RC3H2: variants seen among roughly 807,000 people sequenced by gnomAD.
RC3H2 encodes ring finger and CCCH-type domains 2, also known as roquin-2.
A neutral mutation model predicts 133.3 loss-of-function variants in RC3H2; 31 were observed. The observed-to-expected ratio is 0.23, with a 90% CI of 0.17 to 0.31. The LOEUF (loss-of-function observed/expected upper bound fraction) is 0.31, where lower values mean the gene tolerates loss of function less well. RC3H2 is among the 10% of genes least tolerant of loss of function. The pLI is 1.00. For synonymous variants in RC3H2, 517 were observed against 502.2 expected, an observed-to-expected ratio of 1.03 and a Z score of -0.40; for missense variants, 1,175 against 1,437.2, an observed-to-expected ratio of 0.82 and a Z score of 2.95.
chr9:122,891,996 T>C (rs1051847480), intron 3 of RC3H2, among the ~76,000 whole-genome samples: 1 of 152,234 alleles, frequency 6.6e-6, no homozygotes, highest in Non-Finnish European at 1.5e-5. Flanking sequence ...ACTGAATGAA[T>C]ACATGCATAC....
chr9:122,902,848 CAAAAA>C (rs56346835), intron 1 of RC3H2, among the ~76,000 whole-genome samples: 2 of 84,538 alleles, frequency 2.4e-5, no homozygotes, highest in Admixed American at 1.1e-4. Flanking sequence ...GAGACTGTCT[CAAAAA>C]AAAAAAAAAA....
At chr9:122,858,234 T>C (rs1046887704) in intron 12 of RC3H2, 141 bp from the exon 13 acceptor site, 3 of 710,808 alleles carry the variant, frequency 4.2e-6, no homozygotes, top group Admixed American at 3.1e-5. Flanking sequence ...CTATTCTCCA[T>C]ACACTTAAAA....
chr9:122,863,506 C>T (rs951516713), intron 10 of RC3H2, among the ~76,000 whole-genome samples: 5 of 152,040 alleles, frequency 3.3e-5, no homozygotes, highest in Non-Finnish European at 7.4e-5. Context: ...CTGTAATTTC[C>T]CATATTTCTC....
chr9:122,873,517 T>C, intron 9 of RC3H2, among the ~76,000 whole-genome samples: 1 of 152,054 alleles, frequency 6.6e-6, no homozygotes, highest in Non-Finnish European at 1.5e-5. Context: ...GAGACCAGCC[T>C]GGGCAACATG....
At position 122,889,579 on chromosome 9, in the gene RC3H2, G is replaced by C. The variant is rs575183061; in HGVS notation, c.583+733C>G. Among the ~76,000 whole-genome samples the C allele has an allele frequency of 2.0e-5, 3 of 152,154 alleles. No homozygotes were observed. The South Asian group carries it at 6.2e-4, about 32-fold the overall frequency. On this transcript the variant is annotated intron_variant, in intron 4 of 20. Coordinates refer to ENST00000357244, the MANE Select transcript of RC3H2 (RefSeq NM_001100588.3). ...ACTTCATTACCTTGGTATAGGTGAA[G>C]ATTTTTTAAGACAGAACATAGATAA...
At position 122,877,557 on chromosome 9, in the gene RC3H2, A is replaced by C; in HGVS notation, c.1239T>G (p.Thr413=). The change falls in exon 9 of 21, where the codon ACT becomes ACG. Residue 413 remains threonine, a synonymous_variant. Coordinates refer to ENST00000357244, the MANE Select transcript of RC3H2 (RefSeq NM_001100588.3). ...GCTGTCGCAAATCTCGGCACATGCTAGTCTTGTATTTGCTGTTTGGCTGAG... is the reference window on the plus strand; with the variant it reads ...GCTGTCGCAAATCTCGGCACATGCTCGTCTTGTATTTGCTGTTTGGCTGAG... ...PQPQPNSKYK[T]SMCRDLRQQG... is the part of the protein sequence containing the mutation. The C allele has an allele frequency of 6.8e-6, 11 of 1,614,144 alleles. No homozygotes were observed. The highest frequency in any genetic ancestry group is 9.3e-6 in the Non-Finnish European group (11 of 1,179,978).
At position 122,865,354 on chromosome 9, in the gene RC3H2, A is replaced by G. The variant is rs751097347; in HGVS notation, c.1629T>C (p.Thr543=). The G allele has an allele frequency of 1.3e-6, 2 of 1,596,080 alleles. No homozygotes were observed. Among genetic ancestry groups the G allele is most frequent in the Non-Finnish European group, 1.7e-6 (2 of 1,168,216 alleles). ...NAAGPSADSV[T]ENKIGSPPKT... ...CATTTTTACCTAATACCTACTTTTC[A>G]GTTACAGAATCTGCAGAGGGCCCAG... The change falls in exon 10 of 21, where the codon ACT becomes ACC. Residue 543 remains threonine (T), a synonymous_variant. Transcript: ENST00000357244.
chr9:122,867,162 C>T (rs1830725389), intron 9 of RC3H2, among the ~76,000 whole-genome samples: 1 of 131,588 alleles, frequency 7.6e-6, no homozygotes, highest in South Asian at 2.8e-4. Context: ...AGCCCCTCCG[C>T]CCGGCAGCCG....
intron 11 of RC3H2, among the ~76,000 whole-genome samples, 170 bp from the exon 12 acceptor site, chr9:122,859,272 T>TTTTTTTTTTTTA: frequency 1.2e-5 from 1 of 86,352 alleles, no homozygotes; most frequent in African/African-American, 3.6e-5. Context: ...TTTTTTTTTT[T>TTTTTTTTTTTTA]TTGGTAGAGA....
At chr9:122,852,585 G>C (rs1588050188) in intron 18 of RC3H2, among the ~76,000 whole-genome samples, 1 of 150,756 alleles carries the variant, frequency 6.6e-6, no homozygotes, top group Non-Finnish European at 1.5e-5. Context: ...GGGAGGTGTG[G>C]GGGTCAGCCC....
chr9:122,878,216 T>C (rs1831423349), intron 8 of RC3H2, among the ~76,000 whole-genome samples: 1 of 152,142 alleles, frequency 6.6e-6, no homozygotes, highest in African/African-American at 2.4e-5. Context: ...GAGAGAAGAG[T>C]ACAAAGTGTA....
chr9:122,857,567 A>C (rs1288455269), intron 13 of RC3H2, among the ~76,000 whole-genome samples: 2 of 152,188 alleles, frequency 1.3e-5, no homozygotes, highest in African/African-American at 4.8e-5. Context: ...CTGCCCCCTA[A>C]GGTTTTTGTG....
intron 9 of RC3H2, among the ~76,000 whole-genome samples, chr9:122,870,288 T>C (rs1831012183): frequency 1.3e-5 from 2 of 151,818 alleles, no homozygotes; most frequent in African/African-American, 2.4e-5. Flanking sequence ...AGCAGGAGAA[T>C]TGCTTGAGCC....
intron 4 of RC3H2, among the ~76,000 whole-genome samples, chr9:122,889,459 A>G (rs1448529853): frequency 1.3e-5 from 2 of 152,166 alleles, no homozygotes; most frequent in African/African-American, 4.8e-5. Context: ...ATCACTTATT[A>G]AAAGTTTCCT....
intron 11 of RC3H2, 151 bp downstream of exon 11, chr9:122,859,766 A>C (rs1427967078): frequency 7.5e-6 from 5 of 662,668 alleles, no homozygotes; most frequent in Non-Finnish European, 1.3e-5. Context: ...CTGTATTTAG[A>C]AGCACAGATC....
At chr9:122,868,277 AT>A (rs1196451664) in intron 9 of RC3H2, among the ~76,000 whole-genome samples, 51 of 152,318 alleles carry the variant, frequency 3.3e-4, no homozygotes, top group African/African-American at 1.2e-3. Flanking sequence ...CATGATGACA[AT>A]TGCGGTTTTG....
chr9:122,867,037 C>T (rs1221642467), intron 9 of RC3H2, among the ~76,000 whole-genome samples: 19 of 129,570 alleles, frequency 1.5e-4, no homozygotes, highest in Admixed American at 9.2e-4. Context: ...ATGTGAGGAG[C>T]GCCTCTGCCT....
At chr9:122,859,351 A>C (rs1830373989) in intron 11 of RC3H2, among the ~76,000 whole-genome samples, 1 of 143,912 alleles carries the variant, frequency 6.9e-6, no homozygotes, top group Non-Finnish European at 1.5e-5. Flanking sequence ...TGGGCCTCCC[A>C]AAGTGCTGGG....
At chr9:122,904,172 G>GA (rs1176256672) in intron 1 of RC3H2, among the ~76,000 whole-genome samples, 1 of 152,188 alleles carries the variant, frequency 6.6e-6, no homozygotes, top group Non-Finnish European at 1.5e-5. Flanking sequence ...TGGGTAGGGG[G>GA]AGAGTAGAAA....
Sources: allele counts gnomAD v4.1 joint callset (sites outside exome capture counted in the v4.1 genomes callset), GRCh38; gene constraint gnomAD v4.1.1; transcripts MANE v1.5; gene names NCBI Gene and HGNC (gene_info 2026-07-23, HGNC 2026-07-21).